The following RBFOX1 variants were observed in gnomAD, a reference collection of about 807,000 sequenced individuals.
RBFOX1 encodes RNA binding fox-1 homolog 1.
RBFOX1 carries 8 observed loss-of-function variants against 57.7 expected under a neutral mutation model. That is an observed-to-expected ratio of 0.14 (90% confidence interval 0.08 to 0.25). The LOEUF is 0.25. Among genes scored for constraint, RBFOX1 ranks in the 10% least tolerant of loss-of-function variants. The pLI is 1.00. For missense variants in RBFOX1, 611 were observed against 548.5 expected (o/e 1.11, Z -1.14); for synonymous variants, 326 against 222.4 (o/e 1.47, Z -4.15).
At chr16:7,099,748 A>G (rs773386749) in intron 4 of RBFOX1, among the ~76,000 whole-genome samples, 6 of 152,194 alleles carry the variant, frequency 3.9e-5, no homozygotes, top group African/African-American at 7.2e-5. Flanking sequence ...TTTCCAGGTC[A>G]TAGGTAGATT....
At chr16:6,146,808 G>A (rs2096761874) in intron 1 of RBFOX1, among the ~76,000 whole-genome samples, 1 of 152,186 alleles carries the variant, frequency 6.6e-6, no homozygotes. Flanking sequence ...TCTAAGTACT[G>A]TTTTGAGCTT....
At chr16:7,294,409 T>C (rs1037120432) in intron 4 of RBFOX1, among the ~76,000 whole-genome samples, 34 of 152,072 alleles carry the variant, frequency 2.2e-4, no homozygotes, top group African/African-American at 7.5e-4. Context: ...AATTTGGGGT[T>C]CTACCTGGTG....
chr16:6,864,779 T>C (rs1435137367), intron 3 of RBFOX1, among the ~76,000 whole-genome samples: 4 of 152,004 alleles, frequency 2.6e-5, no homozygotes, highest in African/African-American at 7.2e-5. Flanking sequence ...TTTCCTCTAA[T>C]GTGGGTTTAA....
chr16:6,202,717 T>C (rs945330767), intron 1 of RBFOX1, among the ~76,000 whole-genome samples: 2 of 152,196 alleles, frequency 1.3e-5, no homozygotes, highest in African/African-American at 2.4e-5. Flanking sequence ...GCTGTATATT[T>C]GTATTTATCC....
At chr16:7,066,971 C>A (rs1488920140) in intron 4 of RBFOX1, among the ~76,000 whole-genome samples, 1 of 152,176 alleles carries the variant, frequency 6.6e-6, no homozygotes, top group South Asian at 2.1e-4. Flanking sequence ...ATTCCAAAGA[C>A]ACATGGAAAT....
chr16:6,618,077 T>C (rs917097851), intron 2 of RBFOX1, among the ~76,000 whole-genome samples: 1 of 152,186 alleles, frequency 6.6e-6, no homozygotes, highest in Non-Finnish European at 1.5e-5. Context: ...TTGTTTCTGC[T>C]GCTCTAGGCG....
intron 4 of RBFOX1, among the ~76,000 whole-genome samples, chr16:7,161,500 A>C (rs2078312082): frequency 1.3e-5 from 2 of 152,166 alleles, no homozygotes; most frequent in African/African-American, 4.8e-5. Context: ...CTTAGGGGTT[A>C]GGAATCATTT....
intron 3 of RBFOX1, among the ~76,000 whole-genome samples, chr16:5,641,564 G>C (rs1409608227): frequency 6.6e-6 from 1 of 152,186 alleles, no homozygotes; most frequent in Admixed American, 6.5e-5. Context: ...TGAGGCTGCA[G>C]GATATACCAT....
At chr16:7,358,218 G>C (rs2097254622) in intron 4 of RBFOX1, among the ~76,000 whole-genome samples, 1 of 152,206 alleles carries the variant, frequency 6.6e-6, no homozygotes, top group African/African-American at 2.4e-5. Context: ...ACCTTTGAAA[G>C]AATACATAAC....
chr16:6,747,178 G>A (rs551139989), intron 3 of RBFOX1, among the ~76,000 whole-genome samples: 1 of 152,162 alleles, frequency 6.6e-6, no homozygotes, highest in Non-Finnish European at 1.5e-5. Context: ...GGGAGACTGA[G>A]ACGGTCAGAT....
intron 2 of RBFOX1, among the ~76,000 whole-genome samples, chr16:6,538,319 A>G (rs1204419952): frequency 1.3e-5 from 2 of 152,152 alleles, no homozygotes; most frequent in South Asian, 4.1e-4. Flanking sequence ...GGGAGACCTC[A>G]TCTCTACAGA....
intron 12 of RBFOX1, among the ~76,000 whole-genome samples, chr16:7,659,724 C>A (rs975013173): frequency 6.6e-6 from 1 of 152,176 alleles, no homozygotes; most frequent in East Asian, 1.9e-4. Flanking sequence ...TTGCAGAATT[C>A]TTTTTATAAA....
intron 2 of RBFOX1, among the ~76,000 whole-genome samples, chr16:6,369,870 TC>T (rs1438215702): frequency 6.6e-6 from 1 of 152,208 alleles, no homozygotes. Flanking sequence ...ACTGGTATAG[TC>T]CTCTGGTCTC....
intron 3 of RBFOX1, among the ~76,000 whole-genome samples, chr16:5,626,281 C>G (rs542107394): frequency 6.6e-6 from 1 of 152,318 alleles, no homozygotes; most frequent in African/African-American, 2.4e-5. Flanking sequence ...GGGTTGGTTT[C>G]TTCTGCAGCC....
intron 2 of RBFOX1, among the ~76,000 whole-genome samples, chr16:6,631,792 G>A (rs950195258): frequency 6.6e-6 from 1 of 152,162 alleles, no homozygotes; most frequent in African/African-American, 2.4e-5. Flanking sequence ...GAGGCTCAGA[G>A]CAGCAGCTCT....
chr16:7,593,510 T>C (rs1329388490), intron 7 of RBFOX1, among the ~76,000 whole-genome samples: 2 of 152,208 alleles, frequency 1.3e-5, no homozygotes, highest in Non-Finnish European at 2.9e-5. Flanking sequence ...ATGAATCAGA[T>C]AATTCAGGCT....
chr16:6,904,563 T>G (rs2069296213), intron 3 of RBFOX1, among the ~76,000 whole-genome samples: 1 of 134,332 alleles, frequency 7.4e-6, no homozygotes, highest in Admixed American at 8.4e-5. Context: ...ATCATGCCAT[T>G]GCACTCCAGC....
rs972653789 is a variant in RBFOX1 at position 7,577,660 on chromosome 16, G to A, written c.271-2117G>A. On this transcript the variant is annotated intron_variant, in intron 5 of 15. Transcript: ENST00000550418. Reference sequence around the variant, plus strand: ...CGCCTGTAGTCCCAGTGCTTTGGGAGGCAGAGGCAGAGGCAGGAGGATCAC... The same window carrying A: ...CGCCTGTAGTCCCAGTGCTTTGGGAAGCAGAGGCAGAGGCAGGAGGATCAC... 5.9e-5 allele frequency among the ~76,000 whole-genome samples: 9 copies of A among 152,324 alleles called. No homozygotes were observed. The South Asian group carries it at 1.0e-3, about 18-fold the overall frequency.
intron 1 of RBFOX1, among the ~76,000 whole-genome samples, chr16:5,312,411 C>T (rs1049069107): frequency 5.3e-5 from 8 of 152,162 alleles, no homozygotes; most frequent in Non-Finnish European, 1.2e-4. Flanking sequence ...CTCTGCTGCC[C>T]GGGTTCAAGT....
Sources: gnomAD v4.1 joint callset for allele counts (sites outside exome capture counted in the v4.1 genomes callset) on GRCh38, gnomAD v4.1.1 for gene constraint, MANE v1.5 for transcripts, NCBI Gene and HGNC (gene_info 2026-07-23, HGNC 2026-07-21) for gene names.